The following CD160 variants were observed in gnomAD, a reference collection of about 807,000 sequenced individuals.
The protein encoded by CD160 is CD160 molecule, also known as CD160 antigen.
A neutral mutation model predicts 19.2 loss-of-function variants in CD160; 11 were observed. The ratio of observed to expected loss-of-function variants is 0.57; its 90% CI spans 0.36 to 0.95. CD160 has a LOEUF of 0.95. Ranked by LOEUF, CD160 falls within the 40% of genes least tolerant of loss-of-function variation. The probability of loss-of-function intolerance (pLI) is 0.01; values close to 1 mark genes in which losing one functional copy is unlikely to be tolerated. For missense variants in CD160, 182 were observed against 213.2 expected (o/e 0.85, Z 0.91); for synonymous variants, 75 against 81.1 (o/e 0.93, Z 0.40).
At chr1:145,721,667 G>C (rs781830581) in intron 1 of CD160, among the ~76,000 whole-genome samples, 4 of 152,032 alleles carry the variant, frequency 2.6e-5, no homozygotes, top group Non-Finnish European at 5.9e-5. Flanking sequence ...GAAGGGACAC[G>C]ACCTTGTCAA....
chr1:145,731,208 ATGCTGC>A, intron 4 of CD160, 138 bp downstream of exon 4: 1 of 702,324 alleles, frequency 1.4e-6, no homozygotes, highest in Non-Finnish European at 2.5e-6. Flanking sequence ...CCATTGGCAG[ATGCTGC>A]CTTTCTTCAA....
chr1:145,729,073 G>T (rs1195364892), intron 3 of CD160, among the ~76,000 whole-genome samples: 1 of 152,098 alleles, frequency 6.6e-6, no homozygotes, highest in African/African-American at 2.4e-5. Flanking sequence ...CTATACTGAG[G>T]ATTTGATATA....
chr1:145,738,897 T>C lies in CD160; in HGVS notation c.*404T>C, dbSNP rs192111828. The C allele has an allele frequency of 1.3e-5, 2 of 155,488 alleles. No individual in the cohort carries two copies. The highest frequency in any genetic ancestry group is 3.7e-4 in the East Asian group (2 of 5,442). The allele number at this position is 155,488 out of a possible 1,614,324, so 9.6% of individuals were successfully genotyped here. On this transcript the variant is annotated 3_prime_UTR_variant, in exon 6 of 6. Transcript: ENST00000369288. ...GGGGGAATAAATTTTTATTTAACACTGCAAAGGAAAGAGAGAGAAAACAAG... is the reference window on the plus strand; with the variant it reads ...GGGGGAATAAATTTTTATTTAACACCGCAAAGGAAAGAGAGAGAAAACAAG...
chr1:145,736,437 C>A, intron 5 of CD160: 1 of 490,816 alleles, frequency 2.0e-6, no homozygotes, highest in Non-Finnish European at 3.5e-6. Context: ...CAGAGGGCTA[C>A]AAGTTGAAGC....
rs1180897338 is a variant in CD160, at chr1:145,738,835, G to GT, written c.*343dup. 1 of 184,372 alleles carries GT rather than the reference G, an allele frequency of 5.4e-6. No individual in the cohort carries two copies. Among genetic ancestry groups the GT allele is most frequent in the African/African-American group, 2.3e-5 (1 of 42,798 alleles). 11.4% of individuals were successfully genotyped at this position (184,372 alleles called of 1,614,324 possible). On this transcript the variant is annotated 3_prime_UTR_variant, in exon 6 of 6. Coordinates refer to ENST00000369288, the MANE Select transcript of CD160 (RefSeq NM_007053.4). ...CTTTTCCTCCCTCTTCATCAACATAGTAAAATAAGTCAAACAAAATGAGAA... is the reference window on the plus strand; with the variant it reads ...CTTTTCCTCCCTCTTCATCAACATAGTTAAAATAAGTCAAACAAAATGAGAA...
chr1:145,725,829 G>A (rs1349710208), intron 2 of CD160, among the ~76,000 whole-genome samples: 1 of 151,816 alleles, frequency 6.6e-6, no homozygotes, highest in Admixed American at 6.6e-5. Context: ...AACACAATTA[G>A]AAGAAAGAAA....
chr1:145,735,893 A>C (rs1336591907), intron 4 of CD160, 104 bp from the exon 5 acceptor site: 8 of 797,910 alleles, frequency 1.0e-5, no homozygotes, highest in Middle Eastern at 3.2e-4. Context: ...TTACAGAGGG[A>C]GGAATCCTTG....
chr1:145,725,475 T>C (rs1657022675), intron 2 of CD160, among the ~76,000 whole-genome samples: 1 of 152,056 alleles, frequency 6.6e-6, no homozygotes, highest in South Asian at 2.1e-4. Flanking sequence ...TATGACCAAA[T>C]GGCTTCAGTT....
Position 145,738,521 on chromosome 1 carries a change from C to T in CD160, c.*28C>T, listed in dbSNP as rs782272281. The T allele has an allele frequency of 1.5e-6, 2 of 1,312,144 alleles. No individual in the cohort carries two copies. The highest frequency in any genetic ancestry group is 3.0e-5 in the Admixed American group (1 of 33,358). 81.3% of individuals were successfully genotyped at this position (1,312,144 alleles called of 1,614,324 possible). On this transcript the variant is annotated 3_prime_UTR_variant, in exon 6 of 6. Coordinates refer to ENST00000369288, the MANE Select transcript of CD160 (RefSeq NM_007053.4). ...CTTGTGCCAAAAGAAACTTTTAAAACAGCTACAGCAAGATGAGTCTGACTA... is the reference window on the plus strand; with the variant it reads ...CTTGTGCCAAAAGAAACTTTTAAAATAGCTACAGCAAGATGAGTCTGACTA...
At chr1:145,725,973 C>T (rs1372178221) in intron 2 of CD160, among the ~76,000 whole-genome samples, 1 of 151,324 alleles carries the variant, frequency 6.6e-6, no homozygotes, top group Non-Finnish European at 1.5e-5. Context: ...AAATTAATAT[C>T]TAGTAAAACA....
intron 1 of CD160, among the ~76,000 whole-genome samples, chr1:145,722,344 C>A (rs1025679831): frequency 2.0e-5 from 3 of 152,016 alleles, no homozygotes; most frequent in Non-Finnish European, 2.9e-5. Context: ...GAAACTTGCC[C>A]AATATTACAC....
chr1:145,736,416 C>A (rs1460733485), intron 5 of CD160: 15 of 626,196 alleles, frequency 2.4e-5, no homozygotes, highest in Non-Finnish European at 3.1e-5. Context: ...TACCTCTACT[C>A]ACTGCATGAA....
intron 1 of CD160, among the ~76,000 whole-genome samples, 152 bp from the exon 2 acceptor site, chr1:145,724,649 T>C (rs1553708167): frequency 6.6e-6 from 1 of 152,254 alleles, no homozygotes; most frequent in Non-Finnish European, 1.5e-5. Flanking sequence ...AGTAGTATGT[T>C]AATTAATAGA....
chr1:145,736,219 G>T (rs782130703), intron 5 of CD160, 85 bp downstream of exon 5: 1 of 1,598,060 alleles, frequency 6.3e-7, no homozygotes, highest in Admixed American at 1.8e-5. Flanking sequence ...AGGAGGAGAA[G>T]GTTGGAAAGG....
intron 1 of CD160, among the ~76,000 whole-genome samples, chr1:145,723,002 T>C (rs1553708005): frequency 1.3e-5 from 2 of 152,226 alleles, no homozygotes; most frequent in African/African-American, 4.8e-5. Context: ...TCCTTCTTTG[T>C]CTTCCTCTTT....
chr1:145,731,336 T>TGTCCAGTGCTACTCACTGGTGAAA (rs1657285193), intron 4 of CD160, among the ~76,000 whole-genome samples: 1 of 152,172 alleles, frequency 6.6e-6, no homozygotes, highest in Non-Finnish European at 1.5e-5. Flanking sequence ...TGAAGAGACT[T>TGTCCAGTGCTACTCACTGGTGAAA]GTCCAGTGCT....
At chr1:145,735,845 T>C in intron 4 of CD160, 152 bp from the exon 5 acceptor site, 1 of 614,288 alleles carries the variant, frequency 1.6e-6, no homozygotes, top group East Asian at 2.7e-5. Context: ...TACATCATCA[T>C]TACCCACAAT....
intron 2 of CD160, among the ~76,000 whole-genome samples, chr1:145,727,899 T>A (rs182792055): frequency 6.6e-6 from 1 of 152,304 alleles, no homozygotes. Flanking sequence ...CACGAGGAAA[T>A]GTACACTATC....
intron 4 of CD160, among the ~76,000 whole-genome samples, chr1:145,735,490 GTGGGAGGATCGAT>G (rs1435397422): frequency 2.6e-5 from 4 of 152,160 alleles, no homozygotes; most frequent in Non-Finnish European, 5.9e-5. Context: ...GGAAGCTGAG[GTGGGAGGATCGAT>G]TGGGCTCGGG....
Sources: gnomAD v4.1 joint callset for allele counts (sites outside exome capture counted in the v4.1 genomes callset) on GRCh38, gnomAD v4.1.1 for gene constraint, MANE v1.5 for transcripts, NCBI Gene and HGNC (gene_info 2026-07-23, HGNC 2026-07-21) for gene names.